UGT2B17: variants seen among roughly 807,000 people sequenced by gnomAD.
UGT2B17 encodes UDP-glucuronosyltransferase 2B17.
In UGT2B17, 21 loss-of-function variants were observed where a neutral mutation model predicts 48.2. That is an observed-to-expected ratio of 0.44 (90% CI 0.31 to 0.63). UGT2B17 has a LOEUF of 0.63. Ranked by LOEUF, UGT2B17 falls within the 20% of genes least tolerant of loss-of-function variation. The probability of loss-of-function intolerance (pLI) is 0.08; values close to 1 mark genes in which losing one functional copy is unlikely to be tolerated. For synonymous variants in UGT2B17, 146 were observed against 238.4 expected (o/e 0.61, Z 3.57); for missense variants, 402 against 696.1 (o/e 0.58, Z 4.75).
chr4:68,544,643 G>T (rs1183510050), intron 6 of UGT2B17, among the ~76,000 whole-genome samples: 1 of 125,946 alleles, frequency 7.9e-6, no homozygotes, highest in African/African-American at 2.7e-5. Context: ...AAAAGACACA[G>T]ACTGGCAAAC....
At position 68,537,848 on chromosome 4, in the gene UGT2B17, G is replaced by C; in HGVS notation, c.1370C>G (p.Pro457Arg). 5 of 1,376,912 alleles carry C rather than the reference G, an allele frequency of 3.6e-6. 1 individual carries two copies. Among genetic ancestry groups the C allele is most frequent in the Non-Finnish European group, 4.7e-6 (5 of 1,053,664 alleles). The allele number at this position is 1,376,912 out of a possible 1,614,324, so 85.3% of individuals were successfully genotyped here. A position where few individuals can be genotyped will look rare whatever the true frequency, so the allele number is the denominator to read the frequency against. The change falls in exon 7 of 7, where the codon CCC becomes CGC. Residue 457 changes from proline (P) to arginine (R), a missense_variant. Transcript: ENST00000317746. ...AATCCAGAAGACTGCTCGATCCAGG[G>C]GCTTCACCGGTTGATCATGATGAAT... ...SRIHHDQPVK[P>R]LDRAVFWIEF...
Position 68,570,788 on chromosome 4 carries a change from T to C in UGT2B17, c.-64-2240A>G, listed in dbSNP as rs191648218. Among the ~76,000 whole-genome samples, 22 of 126,664 alleles carry C rather than the reference T, an allele frequency of 1.7e-4. 5 individuals are homozygous for C. The highest frequency in any genetic ancestry group is 6.0e-4 in the African/African-American group (22 of 36,962). 83.1% of individuals were successfully genotyped at this position (126,664 alleles called of 152,430 possible). ...ATTGTAACTCCTATTATAAGAGTTT[T>C]AAATTTTTCTAGTGCTGGGAACCAC... On this transcript the variant is annotated intron_variant, in intron 1 of 6. Transcript: ENST00000317746.
In UGT2B17 at chr4:68,567,322, A is replaced by T. The variant is rs1386573865; in HGVS notation, c.724+439T>A. On this transcript the variant is annotated intron_variant, in intron 2 of 6. Coordinates refer to ENST00000317746, the MANE Select transcript of UGT2B17 (RefSeq NM_001077.4). Reference sequence around the variant, plus strand: ...GAATCCTTCTTATATGAAAAACAAAATTTAATTTCTAAATGAGGAAACTGA... The same window carrying T: ...GAATCCTTCTTATATGAAAAACAAATTTTAATTTCTAAATGAGGAAACTGA... Among the ~76,000 whole-genome samples, 6 of 126,498 alleles carry T rather than the reference A, an allele frequency of 4.7e-5. 3 individuals carry two copies. The East Asian group carries it at 4.5e-3, about 95-fold the overall frequency. The allele number at this position is 126,498 out of a possible 152,430, so 83.0% of individuals were successfully genotyped here.
rs1461552778 is a variant in UGT2B17 at position 68,545,017 on chromosome 4, C to T, written c.1313+5660G>A. On this transcript the variant is annotated intron_variant, in intron 6 of 6. Coordinates refer to ENST00000317746, the MANE Select transcript of UGT2B17 (RefSeq NM_001077.4). ...CCACCGTCAACATTAGACAGATCAACGAGAAAAAGTTAACAAGGATATCCA... is the reference window on the plus strand; with the variant it reads ...CCACCGTCAACATTAGACAGATCAATGAGAAAAAGTTAACAAGGATATCCA... Among the ~76,000 whole-genome samples the T allele has an allele frequency of 8.8e-5, 11 of 125,282 alleles. 4 individuals are homozygous for T. The highest frequency in any genetic ancestry group is 6.7e-5 in the Non-Finnish European group (4 of 59,260). The allele number at this position is 125,282 out of a possible 152,430, so 82.2% of individuals were successfully genotyped here.
intron 6 of UGT2B17, among the ~76,000 whole-genome samples, chr4:68,546,575 G>A (rs1730813089): frequency 8.0e-6 from 1 of 125,770 alleles, no homozygotes. Flanking sequence ...GTTCTGGCCA[G>A]GAGAATAAGG....
rs747544568 is a variant in UGT2B17, at chr4:68,543,156, A to G, written c.1314-5252T>C. Among the ~76,000 whole-genome samples the G allele has an allele frequency of 3.2e-5, 4 of 125,914 alleles. 1 individual carries two copies. Among genetic ancestry groups the G allele is most frequent in the Non-Finnish European group, 6.7e-5 (4 of 59,374 alleles). 82.6% of individuals were successfully genotyped at this position (125,914 alleles called of 152,430 possible). A position where few individuals can be genotyped will look rare whatever the true frequency, so the allele number is the denominator to read the frequency against. The stretch of plus-strand genomic sequence containing the variant: ...CAGACTGCTACTCAAGTGGGTCCTG[A>G]TCCCCGAGTAGCCTGACTGGGAGGC... On this transcript the variant is annotated intron_variant, in intron 6 of 6. Coordinates refer to ENST00000317746, the MANE Select transcript of UGT2B17 (RefSeq NM_001077.4).
Position 68,538,969 on chromosome 4 carries a change from G to A in UGT2B17, c.1314-1065C>T, listed in dbSNP as rs1166509292. On this transcript the variant is annotated intron_variant, in intron 6 of 6. Transcript: ENST00000317746. ...TTCTTTTTGAGGCTTCCCCTTAAAT[G>A]ATACCTCTTAGAGAGTGTTTTCCTG... Among the ~76,000 whole-genome samples the A allele has an allele frequency of 3.2e-5, 4 of 125,846 alleles. 1 individual carries two copies. Among genetic ancestry groups the A allele is most frequent in the Non-Finnish European group, 6.7e-5 (4 of 59,596 alleles). 82.6% of individuals were successfully genotyped at this position (125,846 alleles called of 152,430 possible).
rs562637968 is a variant in UGT2B17, at chr4:68,542,946, G to A, written c.1314-5042C>T. 9.5e-5 allele frequency among the ~76,000 whole-genome samples: 12 copies of A among 126,692 alleles called. 6 individuals carry two copies. In the East Asian group the frequency reaches 7.7e-3, roughly 81 times the overall value. The allele number at this position is 126,692 out of a possible 152,430, so 83.1% of individuals were successfully genotyped here. On this transcript the variant is annotated intron_variant, in intron 6 of 6. Transcript: ENST00000317746. Reference sequence around the variant, plus strand: ...AATAGGTAAACAAAGCGGCCCAGAAGCTTGAACTGGGTGGAGCCCACCGCA... The same window carrying A: ...AATAGGTAAACAAAGCGGCCCAGAAACTTGAACTGGGTGGAGCCCACCGCA...
Position 68,554,511 on chromosome 4 carries a change from A to T in UGT2B17, c.1006-2600T>A, listed in dbSNP as rs1345030574. ...AAGTTAAAAACCACTGTTTTGATTC[A>T]ACAGGTTTTTGTCTGCAAGCTGGTG... On this transcript the variant is annotated intron_variant, in intron 4 of 6. Coordinates refer to ENST00000317746, the MANE Select transcript of UGT2B17 (RefSeq NM_001077.4). Among the ~76,000 whole-genome samples, 2 of 125,402 alleles carry T rather than the reference A, an allele frequency of 1.6e-5. 1 individual carries two copies. The highest frequency in any genetic ancestry group is 3.4e-5 in the Non-Finnish European group (2 of 59,284). 82.3% of individuals were successfully genotyped at this position (125,402 alleles called of 152,430 possible).
At position 68,545,520 on chromosome 4, in the gene UGT2B17, G is replaced by A. The variant is rs367588020; in HGVS notation, c.1313+5157C>T. 8.0e-5 allele frequency among the ~76,000 whole-genome samples: 10 copies of A among 125,210 alleles called. 2 individuals are homozygous for A. Among genetic ancestry groups the A allele is most frequent in the Admixed American group, 4.9e-4 (6 of 12,190 alleles). 82.1% of individuals were successfully genotyped at this position (125,210 alleles called of 152,430 possible). A position where few individuals can be genotyped will look rare whatever the true frequency, so the allele number is the denominator to read the frequency against. Reference sequence around the variant, plus strand: ...TAACGTCACAATTAAAAGAACTAGAGAAGCAAGAGCAAACACATTCAAAAG... The same window carrying A: ...TAACGTCACAATTAAAAGAACTAGAAAAGCAAGAGCAAACACATTCAAAAG... On this transcript the variant is annotated intron_variant, in intron 6 of 6. Coordinates refer to ENST00000317746, the MANE Select transcript of UGT2B17 (RefSeq NM_001077.4).
At chr4:68,574,104 A>C (rs1240843432) in intron 1 of UGT2B17, among the ~76,000 whole-genome samples, 1 of 126,972 alleles carries the variant, frequency 7.9e-6, no homozygotes, top group Admixed American at 8.0e-5. Flanking sequence ...TGTAGTTGGA[A>C]TATTTGATCC....
In UGT2B17 at chr4:68,563,035, G is replaced by T. The variant is rs190819248; in HGVS notation, c.874-2367C>A. ...TGAATTATTTCCAGAGTTTTTTAAC[G>T]AATATTTGCTACTAATATTGAATCT... On this transcript the variant is annotated intron_variant, in intron 3 of 6. Coordinates refer to ENST00000317746, the MANE Select transcript of UGT2B17 (RefSeq NM_001077.4). Among the ~76,000 whole-genome samples the T allele has an allele frequency of 1.1e-3, 137 of 126,136 alleles. 20 individuals are homozygous for T. The highest frequency in any genetic ancestry group is 1.8e-3 in the Non-Finnish European group (110 of 59,594). 82.8% of individuals were successfully genotyped at this position (126,136 alleles called of 152,430 possible).
intron 6 of UGT2B17, among the ~76,000 whole-genome samples, chr4:68,546,625 G>A (rs1316874594): frequency 8.0e-6 from 1 of 125,736 alleles, no homozygotes; most frequent in Non-Finnish European, 1.7e-5. Context: ...AGGAAAAGAG[G>A]AAGTCAAATT....
intron 5 of UGT2B17, among the ~76,000 whole-genome samples, chr4:68,551,269 T>C (rs1324422628): frequency 7.9e-6 from 1 of 126,428 alleles, no homozygotes; most frequent in African/African-American, 2.7e-5. Context: ...CAGTCACATT[T>C]ATATATTTAA....
At chr4:68,544,340 T>C (rs1343916328) in intron 6 of UGT2B17, among the ~76,000 whole-genome samples, 1 of 125,644 alleles carries the variant, frequency 8.0e-6, no homozygotes, top group African/African-American at 2.7e-5. Flanking sequence ...CTAAGCTTCA[T>C]AAGTGAAGGA....
rs1730867489 is a variant in UGT2B17, at chr4:68,548,916, G to T, written c.1313+1761C>A. ...GGAATTTTAGAACTGAGATGAAGGG[G>T]TTTTCTAAATATAGAATTATGTCAT... On this transcript the variant is annotated intron_variant, in intron 6 of 6. Transcript: ENST00000317746. 2.4e-5 allele frequency among the ~76,000 whole-genome samples: 3 copies of T among 124,318 alleles called. 1 individual carries two copies. Among genetic ancestry groups the T allele is most frequent in the African/African-American group, 5.5e-5 (2 of 36,534 alleles). The allele number at this position is 124,318 out of a possible 152,430, so 81.6% of individuals were successfully genotyped here. A position where few individuals can be genotyped will look rare whatever the true frequency, so the allele number is the denominator to read the frequency against.
intron 4 of UGT2B17, among the ~76,000 whole-genome samples, chr4:68,558,568 T>G (rs1294344384): frequency 2.4e-5 from 3 of 126,082 alleles, no homozygotes; most frequent in African/African-American, 8.1e-5. Flanking sequence ...CTTTTGTTTT[T>G]GTTTTTCTCA....
At chr4:68,566,462 A>C (rs182780508) in intron 2 of UGT2B17, among the ~76,000 whole-genome samples, 4,031 of 121,214 alleles carry the variant, frequency 0.033, 414 homozygotes, top group African/African-American at 0.11. Flanking sequence ...GTGGCAGGTG[A>C]TTGGATCATG....
chr4:68,549,743 A>G (rs1210051292), intron 6 of UGT2B17, among the ~76,000 whole-genome samples: 3 of 126,174 alleles, frequency 2.4e-5, no homozygotes, highest in Admixed American at 8.2e-5. Flanking sequence ...CAGTTTAGCC[A>G]TTCTTCATAA....
Sources: gnomAD v4.1 joint callset for allele counts (sites outside exome capture counted in the v4.1 genomes callset) on GRCh38, gnomAD v4.1.1 for gene constraint, MANE v1.5 for transcripts, NCBI Gene and HGNC (gene_info 2026-07-23, HGNC 2026-07-21) for gene names.